Variants in SFXN1 observed in about 807,000 individuals in gnomAD.
SFXN1 encodes the protein sideroflexin 1.
In SFXN1, 32 loss-of-function variants were observed where a neutral mutation model predicts 39.5. The ratio of observed to expected loss-of-function variants is 0.81; its 90% CI spans 0.61 to 1.09. SFXN1 has a LOEUF of 1.09. SFXN1 is among the 50% of genes least tolerant of loss of function. The probability of loss-of-function intolerance (pLI) is 0.00; values close to 1 mark genes in which losing one functional copy is unlikely to be tolerated. For synonymous variants in SFXN1, 136 were observed against 146.5 expected (o/e 0.93, Z 0.52); for missense variants, 402 against 407.1 (o/e 0.99, Z 0.11).
chr5:175,491,477 CT>C (rs559937960), intron 1 of SFXN1: 11,214 of 142,958 alleles, frequency 0.078, 450 homozygotes, highest in Admixed American at 0.12. Context: ...TATTTTTAAA[CT>C]TTTTTTTTTT....
chr5:175,511,341 C>T lies in SFXN1; in HGVS notation c.435-110C>T, dbSNP rs1760505153. On this transcript the variant is annotated intron_variant, in intron 4 of 10. Coordinates refer to ENST00000321442, the MANE Select transcript of SFXN1 (RefSeq NM_022754.7). The stretch of plus-strand genomic sequence containing the variant: ...AGTGAATGTTGTTTTGTAGACTCTT[C>T]ATTCTGAATCATGCTCTTTTATATT... 2.3e-5 allele frequency: 19 copies of T among 835,728 alleles called. No individual in the cohort carries two copies. In the South Asian group the frequency reaches 3.0e-4, roughly 13 times the overall value. The allele number at this position is 835,728 out of a possible 1,614,324, so 51.8% of individuals were successfully genotyped here.
intron 1 of SFXN1, among the ~76,000 whole-genome samples, chr5:175,484,476 G>T (rs1328042066): frequency 6.6e-6 from 1 of 152,198 alleles, no homozygotes; most frequent in Non-Finnish European, 1.5e-5. Context: ...TCTCTGCCTT[G>T]CCCGGGGCCA....
At chr5:175,518,326 A>C (rs1760777178) in intron 8 of SFXN1, among the ~76,000 whole-genome samples, 1 of 152,146 alleles carries the variant, frequency 6.6e-6, no homozygotes, top group African/African-American at 2.4e-5. Context: ...GTGTCTACTC[A>C]GTAGGCTTTC....
chr5:175,526,607 TA>T, intron 10 of SFXN1, 30 bp from the exon 11 acceptor site: 1 of 1,583,566 alleles, frequency 6.3e-7, no homozygotes, highest in Middle Eastern at 1.7e-4. Flanking sequence ...TCTGCCTGTG[TA>T]ATAACCCTGT....
At chr5:175,525,366 T>C (rs1000256274) in intron 10 of SFXN1, among the ~76,000 whole-genome samples, 3 of 152,208 alleles carry the variant, frequency 2.0e-5, no homozygotes, top group African/African-American at 7.2e-5. Flanking sequence ...TTAAAATGCA[T>C]AACGTCTGGC....
Position 175,478,620 on chromosome 5 carries a change from G to A in SFXN1, c.-29G>A, listed in dbSNP as rs1359904953. 1 of 152,098 alleles carries A rather than the reference G, an allele frequency of 6.6e-6. No homozygotes were observed. The highest frequency in any genetic ancestry group is 1.5e-5 in the Non-Finnish European group (1 of 68,292). The allele number at this position is 152,098 out of a possible 1,614,324, so 9.4% of individuals were successfully genotyped here. On this transcript the variant is annotated 5_prime_UTR_variant, in exon 1 of 11. Transcript: ENST00000321442. ...TGAGCGGGACCTGCGAGCAGCGCGG[G>A]CGGCAGCCCGGGGGAAGCGGTGAGT...
chr5:175,524,128 ATATATATAT>A (rs1561678576), intron 10 of SFXN1: 98 of 18,368 alleles, frequency 5.3e-3, no homozygotes, highest in Middle Eastern at 0.038. Context: ...AAAAAAAAAT[ATATATATAT>A]ATATATATAT....
Position 175,501,755 on chromosome 5 carries a change from GA to G in SFXN1, c.165-7274del, listed in dbSNP as rs374123453. Among the ~76,000 whole-genome samples the G allele has an allele frequency of 3.8e-3, 584 of 152,204 alleles. 7 individuals are homozygous for G. The highest frequency in any genetic ancestry group is 0.013 in the African/African-American group (539 of 41,510). On this transcript the variant is annotated intron_variant, in intron 2 of 10. Coordinates refer to ENST00000321442, the MANE Select transcript of SFXN1 (RefSeq NM_022754.7). ...TATGCTCAGCATATTAGTTACTAGG[GA>G]AATGCAAATCCACAAGAAGATGCTA...
intron 4 of SFXN1, chr5:175,510,429 C>T: frequency 4.0e-6 from 2 of 498,702 alleles, no homozygotes; most frequent in East Asian, 3.8e-5. Flanking sequence ...CCTTCTCAGA[C>T]ATTACTCGTG....
chr5:175,507,942 C>T (rs1230119422), intron 2 of SFXN1, among the ~76,000 whole-genome samples: 1 of 148,392 alleles, frequency 6.7e-6, no homozygotes, highest in African/African-American at 2.6e-5. Flanking sequence ...CATTGCACTC[C>T]AGCCTGGGTG....
chr5:175,515,342 GA>G lies in SFXN1; in HGVS notation c.725-1270del, dbSNP rs1363571485. Among the ~76,000 whole-genome samples, 28 of 152,124 alleles carry G rather than the reference GA, an allele frequency of 1.8e-4. 1 individual carries two copies. Among genetic ancestry groups the G allele is most frequent in the Non-Finnish European group, 1.5e-5 (1 of 68,034 alleles). On this transcript the variant is annotated intron_variant, in intron 7 of 10. Transcript: ENST00000321442. ...TTTTGATTGTGGTCTTTTCTGTTTT[GA>G]ATTGCCTTACTCCTCTTAGAGTTCA...
chr5:175,510,152 T>C lies in SFXN1; in HGVS notation c.379T>C (p.Phe127Leu), dbSNP rs1450931984. ...GTTCTGGCAGTGGATTAACCAGTCC[T>C]TCAATGCCGTCGTCAATTACACCAA... Reference protein sequence around the residue: ...VLFWQWINQSFNAVVNYTNRS... With the variant: ...VLFWQWINQSLNAVVNYTNRS... The change falls in exon 4 of 11, where the codon TTC (phenylalanine) becomes CTC (leucine). Residue 127 changes from phenylalanine to leucine, a missense_variant. Phe to Leu is a conservative substitution (Grantham distance 22). Coordinates refer to ENST00000321442, the MANE Select transcript of SFXN1 (RefSeq NM_022754.7). 2 of 1,613,276 alleles carry C rather than the reference T, an allele frequency of 1.2e-6. No individual in the cohort carries two copies. Among genetic ancestry groups the C allele is most frequent in the Non-Finnish European group, 1.7e-6 (2 of 1,179,772 alleles).
chr5:175,492,137 A>G lies in SFXN1; in HGVS notation c.34A>G (p.Lys12Glu). ...AGAACTACCACCAAACATTAACATC[A>G]AGGAACCTCGATGGGATCAAAGCAC... is the stretch of plus-strand genomic sequence containing the variant. Reference protein sequence around the residue: ...SGELPPNINIKEPRWDQSTFI... With the variant: ...SGELPPNINIEEPRWDQSTFI... Residue 12 changes from lysine to glutamate, a missense_variant, in exon 2 of 11, where the codon AAG (lysine) becomes GAG (glutamate). Coordinates refer to ENST00000321442, the MANE Select transcript of SFXN1 (RefSeq NM_022754.7). 1 of 1,613,900 alleles carries G rather than the reference A, an allele frequency of 6.2e-7. No homozygotes were observed. The highest frequency in any genetic ancestry group is 8.5e-7 in the Non-Finnish European group (1 of 1,179,940).
intron 1 of SFXN1, among the ~76,000 whole-genome samples, chr5:175,479,488 A>G (rs1484363855): frequency 1.3e-5 from 2 of 152,136 alleles, no homozygotes; most frequent in Admixed American, 6.5e-5. Context: ...TATGCTGTCT[A>G]AAATTGCACC....
At chr5:175,505,086 C>T (rs1581296621) in intron 2 of SFXN1, among the ~76,000 whole-genome samples, 1 of 152,146 alleles carries the variant, frequency 6.6e-6, no homozygotes, top group Admixed American at 6.5e-5. Context: ...AAATTTGCGT[C>T]AATGATGAAA....
At position 175,529,018 on chromosome 5, in the gene SFXN1, C is replaced by T. The variant is rs1371385711; in HGVS notation, c.*2284C>T. 6.6e-6 allele frequency: 1 copy of T among 152,150 alleles called. No homozygotes were observed. The highest frequency in any genetic ancestry group is 2.4e-5 in the African/African-American group (1 of 41,424). 9.4% of individuals were successfully genotyped at this position (152,150 alleles called of 1,614,324 possible). A position where few individuals can be genotyped will look rare whatever the true frequency, so the allele number is the denominator to read the frequency against. ...TTGACAAACTAACCAAAATTTTACA[C>T]ACTCCGGTTATGTGTGTGAAAGGTT... On this transcript the variant is annotated 3_prime_UTR_variant, in exon 11 of 11. Coordinates refer to ENST00000321442, the MANE Select transcript of SFXN1 (RefSeq NM_022754.7).
chr5:175,487,535 C>T (rs993757458), intron 1 of SFXN1, among the ~76,000 whole-genome samples: 1 of 152,144 alleles, frequency 6.6e-6, no homozygotes, highest in Non-Finnish European at 1.5e-5. Flanking sequence ...GGTTTTGCAC[C>T]CACCAGTCAC....
rs899509131 is a variant in SFXN1, at chr5:175,525,514, G to A, written c.873-1124G>A. ...TTTTTCCTACCTTTTTTCTATATTCGTAATTTTTAAAATTTGTTTTGCATA... is the reference window on the plus strand; with the variant it reads ...TTTTTCCTACCTTTTTTCTATATTCATAATTTTTAAAATTTGTTTTGCATA... On this transcript the variant is annotated intron_variant, in intron 10 of 10. Transcript: ENST00000321442. Among the ~76,000 whole-genome samples the A allele has an allele frequency of 2.0e-5, 3 of 151,922 alleles. No homozygotes were observed. In the South Asian group the frequency reaches 6.2e-4, roughly 32 times the overall value.
At chr5:175,507,874 G>T (rs1399127476) in intron 2 of SFXN1, among the ~76,000 whole-genome samples, 1 of 152,004 alleles carries the variant, frequency 6.6e-6, no homozygotes, top group Admixed American at 6.6e-5. Context: ...TCAGGAAACT[G>T]AGGTGGGAGG....
Sources: allele counts gnomAD v4.1 joint callset (sites outside exome capture counted in the v4.1 genomes callset), GRCh38; gene constraint gnomAD v4.1.1; transcripts MANE v1.5; gene names NCBI Gene and HGNC (gene_info 2026-07-23, HGNC 2026-07-21).